The following FAM167A variants were observed in gnomAD, a reference collection of about 807,000 sequenced individuals.
FAM167A encodes the protein family with sequence similarity 167 member A, also known as protein FAM167A.
In FAM167A, 23 loss-of-function variants were observed where a neutral mutation model predicts 14.9. That is an observed-to-expected ratio of 1.55 (90% CI 1.11 to 2.19). The LOEUF is 2.19. Among genes scored for constraint, FAM167A ranks in the 30% most tolerant of loss-of-function variants. The pLI is 0.00. For synonymous variants in FAM167A, 174 were observed against 117.7 expected (o/e 1.48, Z -3.10); for missense variants, 401 against 281.5 (o/e 1.42, Z -3.04).
chr8:11,447,247 T>A (rs1161076139), intron 1 of FAM167A, among the ~76,000 whole-genome samples: 1 of 150,252 alleles, frequency 6.7e-6, no homozygotes, highest in Non-Finnish European at 1.5e-5. Flanking sequence ...AATGGCGTGA[T>A]CTTGGCTCAC....
chr8:11,436,664 G>C (rs1309639789), intron 2 of FAM167A, among the ~76,000 whole-genome samples: 1 of 152,234 alleles, frequency 6.6e-6, no homozygotes, highest in Non-Finnish European at 1.5e-5. Flanking sequence ...GGAAGCTTTA[G>C]CCAAGGTGAT....
intron 1 of FAM167A, among the ~76,000 whole-genome samples, chr8:11,462,952 C>G (rs189589467): frequency 6.6e-6 from 1 of 152,282 alleles, no homozygotes; most frequent in East Asian, 1.9e-4. Flanking sequence ...CAGAGACACT[C>G]TTGACTCAGG....
At chr8:11,442,842 C>G (rs1026020041) in intron 2 of FAM167A, among the ~76,000 whole-genome samples, 1 of 152,176 alleles carries the variant, frequency 6.6e-6, no homozygotes, top group Non-Finnish European at 1.5e-5. Context: ...GAGAAGCACT[C>G]TCGGTATCAA....
At chr8:11,470,261 G>T (rs1272783058), upstream of FAM167A, among the ~76,000 whole-genome samples, 1 of 152,168 alleles carries the variant, frequency 6.6e-6, no homozygotes, top group African/African-American at 2.4e-5. Flanking sequence ...TAATAAGGTG[G>T]TTTTCTAGCA....
intron 2 of FAM167A, among the ~76,000 whole-genome samples, chr8:11,430,922 G>A (rs1054065814): frequency 6.6e-6 from 1 of 152,170 alleles, no homozygotes; most frequent in Non-Finnish European, 1.5e-5. Flanking sequence ...TTTTCCTGGG[G>A]AGTCAGAAGA....
At chr8:11,445,971 AAG>A (rs1234705887) in intron 1 of FAM167A, among the ~76,000 whole-genome samples, 1 of 151,588 alleles carries the variant, frequency 6.6e-6, no homozygotes, top group Non-Finnish European at 1.5e-5. Flanking sequence ...AGGAGAAAGA[AAG>A]AGGGATTGTT....
chr8:11,441,212 T>C (rs531737670), intron 2 of FAM167A, among the ~76,000 whole-genome samples: 359 of 152,292 alleles, frequency 2.4e-3, no homozygotes, highest in African/African-American at 7.5e-3. Context: ...CCAAGCCACA[T>C]GGGCAGTTAT....
At chr8:11,426,418 CTT>C (rs1004102933) in intron 2 of FAM167A, among the ~76,000 whole-genome samples, 11 of 152,162 alleles carry the variant, frequency 7.2e-5, no homozygotes, top group African/African-American at 1.2e-4. Context: ...GAATAAACCT[CTT>C]TAAGTATTTT....
At position 11,462,132 on chromosome 8, in the gene FAM167A, C is replaced by T. The variant is rs149566060; in HGVS notation, c.-398+4494G>A. Among the ~76,000 whole-genome samples, 150 of 152,344 alleles carry T rather than the reference C, an allele frequency of 9.8e-4. 1 individual carries two copies. The highest frequency in any genetic ancestry group is 3.4e-3 in the African/African-American group (140 of 41,584). ...GGGATGTGTGACTTTGCTTCCCTGC[C>T]GTGTCAGCTTGCGCTGGAGGTACTT... On this transcript the variant is annotated intron_variant, in intron 1 of 2. Coordinates refer to ENST00000284486, the MANE Select transcript of FAM167A (RefSeq NM_053279.3).
chr8:11,432,389 C>T (rs1281077374), intron 2 of FAM167A, among the ~76,000 whole-genome samples: 1 of 152,080 alleles, frequency 6.6e-6, no homozygotes, highest in Non-Finnish European at 1.5e-5. Context: ...AAGAACAACC[C>T]CATCAAGAAA....
chr8:11,430,818 C>G (rs996935853), intron 2 of FAM167A, among the ~76,000 whole-genome samples: 2 of 152,080 alleles, frequency 1.3e-5, no homozygotes, highest in African/African-American at 4.8e-5. Context: ...AGAGGAAAAA[C>G]GCAAGGGGAA....
chr8:11,457,209 T>A (rs576817340), intron 1 of FAM167A, among the ~76,000 whole-genome samples: 105 of 151,978 alleles, frequency 6.9e-4, no homozygotes, highest in African/African-American at 2.5e-3. Context: ...CCCTGTGGTC[T>A]ACCCTGCCGG....
chr8:11,440,553 G>A (rs1377147774), intron 2 of FAM167A, among the ~76,000 whole-genome samples: 1 of 152,232 alleles, frequency 6.6e-6, no homozygotes, highest in Non-Finnish European at 1.5e-5. Context: ...ACCCAGCACT[G>A]CCTGCCTCTG....
intron 1 of FAM167A, among the ~76,000 whole-genome samples, chr8:11,461,340 C>T (rs913511458): frequency 5.3e-5 from 8 of 152,248 alleles, no homozygotes; most frequent in South Asian, 2.1e-4. Context: ...GTTTTCCTCC[C>T]GGGAAACGCT....
chr8:11,425,672 C>A (rs570077393), intron 2 of FAM167A, among the ~76,000 whole-genome samples: 1 of 151,932 alleles, frequency 6.6e-6, no homozygotes, highest in Non-Finnish European at 1.5e-5. Context: ...TGTTATACCC[C>A]CCCTTGCTGT....
chr8:11,472,038 G>T (rs1807976610), upstream of FAM167A, among the ~76,000 whole-genome samples: 1 of 152,210 alleles, frequency 6.6e-6, no homozygotes, highest in African/African-American at 2.4e-5. Flanking sequence ...AAGGCAGGAG[G>T]AAAGAACGAA....
At chr8:11,436,745 C>A (rs879795830) in intron 2 of FAM167A, among the ~76,000 whole-genome samples, 2 of 152,186 alleles carry the variant, frequency 1.3e-5, no homozygotes, top group Admixed American at 1.3e-4. Context: ...ACCCCTGGGG[C>A]ACAACTGTTG....
At position 11,422,193 on chromosome 8, in the gene FAM167A, A is replaced by C. The variant is rs1804778863; in HGVS notation, c.*2180T>G. On this transcript the variant is annotated 3_prime_UTR_variant, in exon 3 of 3. Coordinates refer to ENST00000284486, the MANE Select transcript of FAM167A (RefSeq NM_053279.3). Reference sequence around the variant, plus strand: ...AGTTGCATCCAACTTAATTGGACTGACTACATTCAGCTAAATCTTTCCATT... The same window carrying C: ...AGTTGCATCCAACTTAATTGGACTGCCTACATTCAGCTAAATCTTTCCATT... The C allele has an allele frequency of 5.1e-6, 1 of 195,358 alleles. No homozygotes were observed. The allele number at this position is 195,358 out of a possible 1,614,324, so 12.1% of individuals were successfully genotyped here.
At chr8:11,457,123 T>G (rs1007098299) in intron 1 of FAM167A, among the ~76,000 whole-genome samples, 1 of 12,852 alleles carries the variant, frequency 7.8e-5, no homozygotes. Flanking sequence ...GTTGGGGAAG[T>G]GGGCGGGGCT....
Sources: allele counts gnomAD v4.1 joint callset (sites outside exome capture counted in the v4.1 genomes callset), GRCh38; gene constraint gnomAD v4.1.1; transcripts MANE v1.5; gene names NCBI Gene and HGNC (gene_info 2026-07-23, HGNC 2026-07-21).